The following RAB31 variants were observed in gnomAD, a reference collection of about 807,000 sequenced individuals.
The protein encoded by RAB31 is ras-related protein Rab-31.
A neutral mutation model predicts 25.6 loss-of-function variants in RAB31; 21 were observed. The ratio of observed to expected loss-of-function variants is 0.82; its 90% CI spans 0.58 to 1.18. RAB31 has a LOEUF of 1.18. Ranked by LOEUF, RAB31 falls within the 50% of genes most tolerant of loss-of-function variation. RAB31 has a pLI of 0.00. For synonymous variants in RAB31, 87 were observed against 84.0 expected (o/e 1.04, Z -0.20); for missense variants, 196 against 250.1 (o/e 0.78, Z 1.46).
intron 1 of RAB31, chr18:9,774,936 T>C (rs199548126): frequency 1.9e-6 from 1 of 526,362 alleles, no homozygotes. Context: ...AACAATGTGG[T>C]ATGTTCACGT....
At chr18:9,805,894 A>G (rs553382715) in intron 3 of RAB31, among the ~76,000 whole-genome samples, 1 of 151,004 alleles carries the variant, frequency 6.6e-6, no homozygotes, top group Non-Finnish European at 1.5e-5. Context: ...CTGTGTGTCG[A>G]CTGGGCGCAG....
intron 3 of RAB31, among the ~76,000 whole-genome samples, chr18:9,802,308 G>T (rs1020348628): frequency 3.9e-5 from 6 of 152,206 alleles, no homozygotes; most frequent in Admixed American, 1.3e-4. Context: ...TGATAAGCAA[G>T]TTGCCAGCTG....
intron 1 of RAB31, among the ~76,000 whole-genome samples, chr18:9,709,752 C>G (rs2068006946): frequency 6.6e-6 from 1 of 152,202 alleles, no homozygotes; most frequent in African/African-American, 2.4e-5. Context: ...ACTTGCTCAG[C>G]CACAGCCAGG....
chr18:9,773,450 C>T (rs528677205), intron 1 of RAB31, among the ~76,000 whole-genome samples: 33 of 152,274 alleles, frequency 2.2e-4, no homozygotes, highest in African/African-American at 6.5e-4. Context: ...AACGCCTCCA[C>T]GATCCTTCCA....
chr18:9,770,597 T>C (rs1438831447), intron 1 of RAB31, among the ~76,000 whole-genome samples: 3 of 152,206 alleles, frequency 2.0e-5, no homozygotes, highest in Non-Finnish European at 2.9e-5. Flanking sequence ...GTCTCTGATA[T>C]CGACTATACA....
chr18:9,713,227 T>C (rs900636980), intron 1 of RAB31, among the ~76,000 whole-genome samples: 1 of 152,242 alleles, frequency 6.6e-6, no homozygotes, highest in Non-Finnish European at 1.5e-5. Context: ...TTGGGCTAGG[T>C]AATGATCACA....
chr18:9,734,881 A>C, intron 1 of RAB31: 1 of 272,236 alleles, frequency 3.7e-6, no homozygotes, highest in Non-Finnish European at 7.6e-6. Flanking sequence ...TCAGCTCATC[A>C]GAATTGGGCC....
At chr18:9,744,055 G>A (rs2068193319) in intron 1 of RAB31, among the ~76,000 whole-genome samples, 1 of 152,180 alleles carries the variant, frequency 6.6e-6, no homozygotes, top group Non-Finnish European at 1.5e-5. Context: ...ATTTAGCGGT[G>A]GAGTTGCCTC....
At chr18:9,717,366 C>T (rs534687209) in intron 1 of RAB31, among the ~76,000 whole-genome samples, 4 of 152,196 alleles carry the variant, frequency 2.6e-5, no homozygotes, top group African/African-American at 7.2e-5. Context: ...CAGAAGATAT[C>T]TTAGGCTACT....
chr18:9,838,706 C>A (rs1021263867), intron 5 of RAB31, among the ~76,000 whole-genome samples: 5 of 152,202 alleles, frequency 3.3e-5, no homozygotes, highest in African/African-American at 1.2e-4. Flanking sequence ...CTGATCCCCT[C>A]CCCTGCTGAG....
At chr18:9,781,920 T>C (rs1454953485) in intron 2 of RAB31, among the ~76,000 whole-genome samples, 1 of 152,218 alleles carries the variant, frequency 6.6e-6, no homozygotes, top group African/African-American at 2.4e-5. Context: ...CTTATATTAA[T>C]ATATTTGTTT....
intron 6 of RAB31, among the ~76,000 whole-genome samples, chr18:9,849,143 T>A (rs1204580896): frequency 1.3e-5 from 2 of 152,198 alleles, no homozygotes; most frequent in Admixed American, 1.3e-4. Flanking sequence ...TTTTTTTTCC[T>A]TGGGTTCTTA....
chr18:9,732,080 G>A (rs2864780), intron 1 of RAB31, among the ~76,000 whole-genome samples: 144,125 of 152,284 alleles, frequency 0.95, 68,274 homozygotes, highest in African/African-American at 0.97. Flanking sequence ...AGCGAGAAAC[G>A]ATGCCCAGCC....
intron 1 of RAB31, among the ~76,000 whole-genome samples, chr18:9,733,046 G>T (rs757432725): frequency 3.9e-5 from 6 of 152,170 alleles, no homozygotes; most frequent in Non-Finnish European, 5.9e-5. Flanking sequence ...TTGGATCAGT[G>T]GTAGAAAACA....
chr18:9,773,041 G>C (rs1384288109), intron 1 of RAB31, among the ~76,000 whole-genome samples: 1 of 152,136 alleles, frequency 6.6e-6, no homozygotes, highest in African/African-American at 2.4e-5. Flanking sequence ...TTTGAACTCT[G>C]TGCATCGATT....
chr18:9,749,768 T>G (rs2068224998), intron 1 of RAB31, among the ~76,000 whole-genome samples: 1 of 152,206 alleles, frequency 6.6e-6, no homozygotes, highest in South Asian at 2.1e-4. Context: ...TTTTAATAGC[T>G]TGGACTGCAC....
In RAB31 at chr18:9,852,761, G is replaced by C. The variant is rs143028781; in HGVS notation, c.491-6467G>C. Among the ~76,000 whole-genome samples the C allele has an allele frequency of 4.8e-3, 727 of 152,284 alleles. 7 individuals carry two copies. The highest frequency in any genetic ancestry group is 0.017 in the African/African-American group (705 of 41,554). ...GTAAATACTATGGATTGGAATGGCT[G>C]TCTTATCTGGTAGGTGTGTTTTTAA... On this transcript the variant is annotated intron_variant, in intron 6 of 6. Coordinates refer to ENST00000578921, the MANE Select transcript of RAB31 (RefSeq NM_006868.4).
intron 2 of RAB31, among the ~76,000 whole-genome samples, chr18:9,783,709 G>C (rs2298506): frequency 0.71 from 108,305 of 152,088 alleles, 39,200 homozygotes; most frequent in African/African-American, 0.83. Flanking sequence ...GTGGAAAATA[G>C]TCAAAAAATG....
chr18:9,846,219 C>T (rs373577969), intron 6 of RAB31, among the ~76,000 whole-genome samples: 1 of 152,198 alleles, frequency 6.6e-6, no homozygotes, highest in Non-Finnish European at 1.5e-5. Flanking sequence ...AGGGTGACAG[C>T]CTCCTTCCTG....
Sources: allele counts gnomAD v4.1 joint callset (sites outside exome capture counted in the v4.1 genomes callset), GRCh38; gene constraint gnomAD v4.1.1; transcripts MANE v1.5; gene names NCBI Gene and HGNC (gene_info 2026-07-23, HGNC 2026-07-21).